The following DEPDC5 variants were observed in gnomAD, a reference collection of about 807,000 sequenced individuals.
DEPDC5 encodes the protein GATOR1 complex protein DEPDC5.
A neutral mutation model predicts 217.3 loss-of-function variants in DEPDC5; 73 were observed. The ratio of observed to expected loss-of-function variants is 0.34; its 90% CI spans 0.28 to 0.41. The LOEUF is 0.41. DEPDC5 is among the 10% of genes least tolerant of loss of function. The pLI, the probability that DEPDC5 is intolerant of heterozygous loss-of-function variation, is 1.00. For synonymous variants in DEPDC5, 733 were observed against 756.7 expected, an observed-to-expected ratio of 0.97 and a Z score of 0.51; for missense variants, 1,675 against 2,070.1, an observed-to-expected ratio of 0.81 and a Z score of 3.70.
At chr22:31,757,888 C>G (rs1427135918) in intron 2 of DEPDC5, among the ~76,000 whole-genome samples, 1 of 152,078 alleles carries the variant, frequency 6.6e-6, no homozygotes, top group Non-Finnish European at 1.5e-5. Flanking sequence ...CTCAGGCTCC[C>G]AAGTAGCTGG....
At chr22:31,794,795 AG>A (rs2086056990) in intron 12 of DEPDC5, among the ~76,000 whole-genome samples, 1 of 152,022 alleles carries the variant, frequency 6.6e-6, no homozygotes, top group Non-Finnish European at 1.5e-5. Context: ...CTGAGGTGGG[AG>A]GATCACTTGA....
intron 39 of DEPDC5, among the ~76,000 whole-genome samples, chr22:31,897,036 G>A (rs1334613861): frequency 1.3e-5 from 2 of 152,064 alleles, no homozygotes; most frequent in South Asian, 4.1e-4. Flanking sequence ...AGAATTGCTT[G>A]AACCTGGGAG....
chr22:31,769,410 C>T (rs1207525967), intron 7 of DEPDC5: 4 of 151,784 alleles, frequency 2.6e-5, no homozygotes, highest in African/African-American at 4.8e-5. Context: ...GATAGAGACT[C>T]GTAATTTTAC....
chr22:31,844,832 G>A, intron 29 of DEPDC5, 186 bp from the exon 30 acceptor site: 2 of 638,216 alleles, frequency 3.1e-6, no homozygotes, highest in Non-Finnish European at 5.4e-6. Flanking sequence ...TGGGATTATA[G>A]GTGTGAGCCA....
At chr22:31,851,500 T>A (rs1448922271) in intron 31 of DEPDC5, among the ~76,000 whole-genome samples, 1 of 152,210 alleles carries the variant, frequency 6.6e-6, no homozygotes, top group Non-Finnish European at 1.5e-5. Flanking sequence ...TGGGCCTACG[T>A]CCATCAGAGC....
intron 2 of DEPDC5, 103 bp from the exon 3 acceptor site, chr22:31,758,443 G>A: frequency 1.1e-6 from 1 of 950,262 alleles, no homozygotes; most frequent in Non-Finnish European, 1.7e-6. Context: ...TCTGTCAATG[G>A]GGTGGCAATA....
In DEPDC5 at chr22:31,798,585, G is replaced by A. The variant is rs2148587401; in HGVS notation, c.875G>A (p.Gly292Asp). 6.2e-7 allele frequency: 1 copy of A among 1,609,656 alleles called. No homozygotes were observed. The highest frequency in any genetic ancestry group is 8.5e-7 in the Non-Finnish European group (1 of 1,177,288). ...PVLVRLEQAE[G>D]FPQGDNSTSA... is the part of the protein sequence containing the mutation. ...TCTCTTGCATATTTTGCTTCAGAGG[G>A]CTTTCCTCAAGGAGATAATTCTACC... The change falls in exon 14 of 43, where the codon GGC becomes GAC. Residue 292 changes from glycine to aspartate, a missense_variant. Physicochemically the swap from Gly to Asp is moderately conservative, Grantham distance 94. Around this residue, in one of 11 missense-constraint regions of DEPDC5, gnomAD observed 628 missense variants for 762.1 expected, o/e 0.82. Coordinates refer to ENST00000651528, the MANE Select transcript of DEPDC5 (RefSeq NM_001242896.3).
At chr22:31,858,812 C>T (rs1205229793) in intron 32 of DEPDC5, 2 of 152,122 alleles carry the variant, frequency 1.3e-5, no homozygotes, top group East Asian at 3.8e-4. Flanking sequence ...CAGTATACCA[C>T]AGTTATAATG....
chr22:31,805,053 G>T (rs902270733), intron 17 of DEPDC5, 138 bp downstream of exon 17: 4 of 763,696 alleles, frequency 5.2e-6, no homozygotes, highest in Non-Finnish European at 6.4e-6. Context: ...TCTAACATTT[G>T]CTCAAAGCTC....
chr22:31,768,223 T>C (rs1342878980), intron 6 of DEPDC5, among the ~76,000 whole-genome samples: 1 of 152,082 alleles, frequency 6.6e-6, no homozygotes, highest in Non-Finnish European at 1.5e-5. Context: ...CCACATTTAT[T>C]AATTTTTTAA....
chr22:31,785,710 T>C (rs1216218499), intron 10 of DEPDC5, among the ~76,000 whole-genome samples: 1 of 151,958 alleles, frequency 6.6e-6, no homozygotes, highest in East Asian at 1.9e-4. Context: ...CAAAACTTAC[T>C]AAAACCCTCA....
chr22:31,832,603 G>A (rs2090689510), intron 24 of DEPDC5, among the ~76,000 whole-genome samples: 1 of 151,964 alleles, frequency 6.6e-6, no homozygotes, highest in South Asian at 2.1e-4. Context: ...CAGTCCTCCT[G>A]CCTTAGCCTC....
intron 29 of DEPDC5, among the ~76,000 whole-genome samples, chr22:31,844,042 A>G (rs1419777649): frequency 6.6e-6 from 1 of 152,032 alleles, no homozygotes. Context: ...CCTGGCCAGC[A>G]TGGCAAAATC....
At chr22:31,891,200 T>A in intron 38 of DEPDC5, 1 of 591,420 alleles carries the variant, frequency 1.7e-6, no homozygotes, top group East Asian at 4.0e-5. Flanking sequence ...CTCTGCCTTT[T>A]GGAGTGATTT....
At chr22:31,811,690 C>T (rs1031435788) in intron 20 of DEPDC5, among the ~76,000 whole-genome samples, 9 of 151,950 alleles carry the variant, frequency 5.9e-5, no homozygotes, top group Admixed American at 5.2e-4. Flanking sequence ...GCTGAGACTA[C>T]AGGCATGCAC....
chr22:31,784,805 TC>T lies in DEPDC5; in HGVS notation c.563-8del, dbSNP rs765692597. On this transcript the variant is annotated splice_polypyrimidine_tract_variant and splice_region_variant and intron_variant, in intron 9 of 42. Transcript: ENST00000651528. ...ATGTTCTCATCCTTTTTTCATTGTT[TC>T]TTTTCAGGGGATTTGTATTTTGAGA... 6.2e-7 allele frequency: 1 copy of T among 1,612,088 alleles called. No individual in the cohort carries two copies. The highest frequency in any genetic ancestry group is 1.1e-5 in the South Asian group (1 of 90,578).
At chr22:31,888,210 C>T (rs554996216) in intron 38 of DEPDC5, among the ~76,000 whole-genome samples, 1 of 149,778 alleles carries the variant, frequency 6.7e-6, no homozygotes, top group South Asian at 2.1e-4. Flanking sequence ...CACTCACATG[C>T]CTTTCCTTCT....
At chr22:31,883,799 T>G (rs899037122) in intron 38 of DEPDC5, among the ~76,000 whole-genome samples, 5 of 152,206 alleles carry the variant, frequency 3.3e-5, no homozygotes, top group Non-Finnish European at 7.3e-5. Context: ...TTTTGGATGA[T>G]TTGCACAATA....
At chr22:31,901,505 C>T (rs1325701686) in intron 40 of DEPDC5, among the ~76,000 whole-genome samples, 1 of 152,188 alleles carries the variant, frequency 6.6e-6, no homozygotes, top group Non-Finnish European at 1.5e-5. Context: ...GAGGACTTCA[C>T]CTTCCTAGAC....
Sources: allele counts gnomAD v4.1 joint callset (sites outside exome capture counted in the v4.1 genomes callset), GRCh38; gene constraint gnomAD v4.1.1; regional missense constraint gnomAD v4.1.1; transcripts MANE v1.5; gene names NCBI Gene and HGNC (gene_info 2026-07-23, HGNC 2026-07-21).